The following SCAMP1 variants were observed in gnomAD, a reference collection of about 807,000 sequenced individuals.
SCAMP1 encodes the protein secretory carrier-associated membrane protein 1.
In SCAMP1, 15 loss-of-function variants were observed where a neutral mutation model predicts 41.8. The observed-to-expected ratio is 0.36, with a 90% confidence interval of 0.24 to 0.55. The LOEUF (loss-of-function observed/expected upper bound fraction) is 0.55. Ranked by LOEUF, SCAMP1 falls within the 20% of genes least tolerant of loss-of-function variation. The pLI is 0.86. For synonymous variants in SCAMP1, 135 were observed against 136.8 expected (o/e 0.99, Z 0.09); for missense variants, 341 against 412.6 (o/e 0.83, Z 1.50).
At chr5:78,423,995 C>T (rs574055368) in intron 6 of SCAMP1, among the ~76,000 whole-genome samples, 2 of 152,150 alleles carry the variant, frequency 1.3e-5, no homozygotes, top group African/African-American at 4.8e-5. Flanking sequence ...CAGGCATGCA[C>T]CACCATGCCT....
chr5:78,368,003 A>G (rs963824320), intron 1 of SCAMP1, among the ~76,000 whole-genome samples: 2 of 152,100 alleles, frequency 1.3e-5, no homozygotes, highest in South Asian at 2.1e-4. Flanking sequence ...GCTGAGTAGC[A>G]TTTTTGGCCT....
rs780559116 is a variant in SCAMP1, at chr5:78,418,827, T to C, written c.396T>C (p.Cys132=). The change falls in exon 5 of 9, where the codon TGT becomes TGC. Residue 132 remains cysteine, a synonymous_variant. Coordinates refer to ENST00000621999, the MANE Select transcript of SCAMP1 (RefSeq NM_004866.6). ...CTAGCAATTTTCCTGTCGGACCTTG[T>C]TTCTATCAGGATTTTTCTGTAGACA... ...PLPSNFPVGP[C]FYQDFSVDIP... is the part of the protein sequence containing the mutation. 1 of 1,578,642 alleles carries C rather than the reference T, an allele frequency of 6.3e-7. No homozygotes were observed. Among genetic ancestry groups the C allele is most frequent in the South Asian group, 1.2e-5 (1 of 84,660 alleles).
intron 6 of SCAMP1, among the ~76,000 whole-genome samples, 192 bp from the exon 7 acceptor site, chr5:78,449,741 C>T (rs1241151251): frequency 6.6e-6 from 1 of 151,972 alleles, no homozygotes; most frequent in Admixed American, 6.6e-5. Flanking sequence ...GTTAGCATGA[C>T]GAGTTCACAT....
At chr5:78,427,373 A>G (rs191906487) in intron 6 of SCAMP1, among the ~76,000 whole-genome samples, 147 of 152,270 alleles carry the variant, frequency 9.7e-4, no homozygotes, top group African/African-American at 3.3e-3. Context: ...TTCATGAGTG[A>G]TACCCTCATA....
intron 2 of SCAMP1, among the ~76,000 whole-genome samples, chr5:78,391,477 G>T: frequency 6.6e-6 from 1 of 151,118 alleles, no homozygotes; most frequent in East Asian, 2.0e-4. Flanking sequence ...CCTCCCTCCC[G>T]GATGGGGTGG....
chr5:78,424,180 G>C (rs1466079078), intron 6 of SCAMP1, among the ~76,000 whole-genome samples: 1 of 152,038 alleles, frequency 6.6e-6, no homozygotes, highest in African/African-American at 2.4e-5. Flanking sequence ...CCAGCCTCGA[G>C]AGGAATACTT....
intron 6 of SCAMP1, among the ~76,000 whole-genome samples, chr5:78,431,534 C>CTT (rs11380148): frequency 0.029 from 3,470 of 121,206 alleles, 181 homozygotes; most frequent in African/African-American, 0.091. Context: ...TTCTTTTTGC[C>CTT]TTTTTTTTTT....
rs1052714523 is a variant in SCAMP1, at chr5:78,480,025, G to A, written c.*4357G>A. Among the ~76,000 whole-genome samples, 8 of 150,292 alleles carry A rather than the reference G, an allele frequency of 5.3e-5. No homozygotes were observed. Among genetic ancestry groups the A allele is most frequent in the Non-Finnish European group, 1.0e-4 (7 of 67,932 alleles). ...CTCTCCACTGCACTCCAGCCTGGGC[G>A]ACAGAGCGAGACTCCATCTCAAGAA... On this transcript the variant is annotated 3_prime_UTR_variant, in exon 9 of 9. Coordinates refer to ENST00000621999, the MANE Select transcript of SCAMP1 (RefSeq NM_004866.6).
chr5:78,421,664 T>C (rs1383978775), intron 5 of SCAMP1, 137 bp from the exon 6 acceptor site: 2 of 762,756 alleles, frequency 2.6e-6, no homozygotes, highest in Admixed American at 2.7e-5. Flanking sequence ...AACAGTGTTT[T>C]GAAAAATATA....
chr5:78,432,271 A>G (rs1191340397), intron 6 of SCAMP1, among the ~76,000 whole-genome samples: 1 of 152,110 alleles, frequency 6.6e-6, no homozygotes, highest in Admixed American at 6.6e-5. Flanking sequence ...TATTAATACC[A>G]TTTCAGCACT....
chr5:78,374,606 A>G (rs1263004373), intron 1 of SCAMP1, among the ~76,000 whole-genome samples: 1 of 152,104 alleles, frequency 6.6e-6, no homozygotes, highest in Non-Finnish European at 1.5e-5. Flanking sequence ...TTTATTATTA[A>G]TTATCTGCAG....
In SCAMP1 at chr5:78,480,048, G is replaced by GA. The variant is rs11453663; in HGVS notation, c.*4392dup. 0.45 allele frequency among the ~76,000 whole-genome samples: 65,515 copies of GA among 145,250 alleles called. 17,717 individuals are homozygous for GA. Among genetic ancestry groups the GA allele is most frequent in the East Asian group, 0.83 (4,178 of 5,040 alleles). ...GCGACAGAGCGAGACTCCATCTCAA[G>GA]AAAAAAAAAAAAGAATTTTCATTAG... On this transcript the variant is annotated 3_prime_UTR_variant, in exon 9 of 9. Coordinates refer to ENST00000621999, the MANE Select transcript of SCAMP1 (RefSeq NM_004866.6).
Position 78,416,616 on chromosome 5 carries a change from C to T in SCAMP1, c.310C>T (p.Arg104Trp), listed in dbSNP as rs186921534. Residue 104 changes from arginine (R) to tryptophan (W), a missense_variant, in exon 4 of 9, where the codon CGG (arginine) becomes TGG (tryptophan). Arg to Trp is a moderately radical substitution (Grantham distance 101). Transcript: ENST00000621999. ...LERKAAELDR[R>W]EREMQNLSQH... ...AAGAAAAGCCGCAGAATTAGATCGTCGGGAACGAGAAATGCAAAACCTCAG... is the reference window on the plus strand; with the variant it reads ...AAGAAAAGCCGCAGAATTAGATCGTTGGGAACGAGAAATGCAAAACCTCAG... 36 of 1,594,394 alleles carry T rather than the reference C, an allele frequency of 2.3e-5. No homozygotes were observed. The Admixed American group carries it at 3.7e-4, about 16-fold the overall frequency.
chr5:78,454,430 A>G (rs1580708857), intron 7 of SCAMP1, among the ~76,000 whole-genome samples: 1 of 151,798 alleles, frequency 6.6e-6, no homozygotes, highest in Non-Finnish European at 1.5e-5. Context: ...TTCTGCATCT[A>G]TTGAGATAAT....
intron 8 of SCAMP1, among the ~76,000 whole-genome samples, chr5:78,472,019 G>C (rs910223551): frequency 6.6e-6 from 1 of 151,968 alleles, no homozygotes; most frequent in Non-Finnish European, 1.5e-5. Flanking sequence ...AGAAAAGATA[G>C]TATTTAAGTT....
chr5:78,463,652 T>C (rs907410617), intron 8 of SCAMP1, among the ~76,000 whole-genome samples: 3 of 152,212 alleles, frequency 2.0e-5, no homozygotes, highest in Admixed American at 6.5e-5. Flanking sequence ...GATTCCATTA[T>C]TGTGAAATGT....
chr5:78,472,454 C>A (rs1002712923), intron 8 of SCAMP1, among the ~76,000 whole-genome samples: 3 of 151,606 alleles, frequency 2.0e-5, no homozygotes, highest in African/African-American at 4.9e-5. Context: ...AAAACCTTGT[C>A]CCTGATATCA....
intron 6 of SCAMP1, among the ~76,000 whole-genome samples, chr5:78,436,739 G>T (rs1173607665): frequency 6.6e-6 from 1 of 152,092 alleles, no homozygotes; most frequent in Non-Finnish European, 1.5e-5. Flanking sequence ...CTTTACCGTA[G>T]TTTTTTTCCA....
rs542007841 is a variant in SCAMP1 at position 78,370,204 on chromosome 5, G to A, written c.57+9476G>A. Among the ~76,000 whole-genome samples, 221 of 152,300 alleles carry A rather than the reference G, an allele frequency of 1.5e-3. 1 individual carries two copies. The highest frequency in any genetic ancestry group is 2.7e-3 in the Admixed American group (41 of 15,298). ...TAAAGTAACATTTTCTTGCCAAAAG[G>A]GTGATAGAGTTAAGCCTGTATTTAG... On this transcript the variant is annotated intron_variant, in intron 1 of 8. Transcript: ENST00000621999.
Sources: gnomAD v4.1 joint callset for allele counts (sites outside exome capture counted in the v4.1 genomes callset) on GRCh38, gnomAD v4.1.1 for gene constraint, MANE v1.5 for transcripts, NCBI Gene and HGNC (gene_info 2026-07-23, HGNC 2026-07-21) for gene names.